CERS6: variants seen among roughly 807,000 people sequenced by gnomAD.
CERS6 encodes the protein ceramide synthase 6, also known as LAG1 homolog, ceramide synthase 6.
CERS6 carries 26 observed loss-of-function variants against 56.8 expected under a neutral mutation model. The ratio of observed to expected loss-of-function variants is 0.46; its 90% CI spans 0.34 to 0.63. The LOEUF (loss-of-function observed/expected upper bound fraction) is 0.63. Among genes scored for constraint, CERS6 ranks in the 30% least tolerant of loss-of-function variants. The probability of loss-of-function intolerance (pLI) is 0.01; values close to 1 mark genes in which losing one functional copy is unlikely to be tolerated. For missense variants in CERS6, 415 were observed against 467.5 expected (o/e 0.89, Z 1.04); for synonymous variants, 164 against 173.3 (o/e 0.95, Z 0.42).
At chr2:168,644,202 G>A in intron 4 of CERS6, 1 of 933,916 alleles carries the variant, frequency 1.1e-6, no homozygotes, top group Non-Finnish European at 1.3e-6. Flanking sequence ...TTACAGAAGG[G>A]GGAGGGAGGA....
chr2:168,538,276 A>G (rs1189029309), intron 1 of CERS6, among the ~76,000 whole-genome samples: 1 of 149,884 alleles, frequency 6.7e-6, no homozygotes, highest in African/African-American at 2.5e-5. Flanking sequence ...AAAATGGCCT[A>G]GAAGGCACTG....
chr2:168,725,966 C>G (rs559977966), intron 8 of CERS6, among the ~76,000 whole-genome samples: 2 of 152,350 alleles, frequency 1.3e-5, no homozygotes, highest in African/African-American at 2.4e-5. Flanking sequence ...CTGCATCTCT[C>G]TCTCTTATAG....
chr2:168,737,624 C>G lies in CERS6; in HGVS notation c.845+19646C>G, dbSNP rs956995879. On this transcript the variant is annotated intron_variant, in intron 8 of 9. Transcript: ENST00000305747. ...AAGAGTGTCTGTTGAGCTTGAAATG[C>G]GAGTGTGGATGCCAAGGATTTTGCT... is the stretch of plus-strand genomic sequence containing the variant. Among the ~76,000 whole-genome samples the G allele has an allele frequency of 2.0e-5, 3 of 152,128 alleles. No homozygotes were observed. In the East Asian group the frequency reaches 5.8e-4, roughly 29 times the overall value.
intron 1 of CERS6, among the ~76,000 whole-genome samples, chr2:168,510,553 TA>T (rs779690349): frequency 6.6e-6 from 1 of 152,220 alleles, no homozygotes; most frequent in Non-Finnish European, 1.5e-5. Context: ...GTTTGCACGA[TA>T]AAATTGCCTG....
chr2:168,497,124 G>A (rs1694486646), intron 1 of CERS6, among the ~76,000 whole-genome samples: 1 of 152,152 alleles, frequency 6.6e-6, no homozygotes, highest in South Asian at 2.1e-4. Flanking sequence ...GCCTGGAAAG[G>A]ATCACTCTGA....
intron 6 of CERS6, among the ~76,000 whole-genome samples, chr2:168,700,185 G>C (rs1202205076): frequency 6.6e-6 from 1 of 152,226 alleles, no homozygotes; most frequent in Admixed American, 6.5e-5. Flanking sequence ...TGATGAGCTT[G>C]TGTTAGCTCT....
chr2:168,486,518 G>GTTTTTTTTTTTTTTTTT lies in CERS6; in HGVS notation c.170+29900_170+29901insTTTTTTTTTTTTTTTTT. On this transcript the variant is annotated intron_variant, in intron 1 of 9. Coordinates refer to ENST00000305747, the MANE Select transcript of CERS6 (RefSeq NM_203463.3). ...ATTTTTGTTAAAGGTGTCTAGATTT[G>GTTTTTTTTTTTTTTTTT]GTTTTGTTTTTTTTTTTTTTGCCTA... Among the ~76,000 whole-genome samples, 86 of 136,278 alleles carry GTTTTTTTTTTTTTTTTT rather than the reference G, an allele frequency of 6.3e-4. 4 individuals carry two copies. The highest frequency in any genetic ancestry group is 3.6e-3 in the Middle Eastern group (1 of 278). 89.4% of individuals were successfully genotyped at this position (136,278 alleles called of 152,430 possible). A position where few individuals can be genotyped will look rare whatever the true frequency, so the allele number is the denominator to read the frequency against.
chr2:168,672,370 C>T (rs895795186), intron 4 of CERS6, among the ~76,000 whole-genome samples: 6 of 152,038 alleles, frequency 3.9e-5, no homozygotes, highest in African/African-American at 1.4e-4. Flanking sequence ...AGTGAAACCC[C>T]ATGAGAATAT....
chr2:168,668,553 T>C (rs1685825661), intron 4 of CERS6, among the ~76,000 whole-genome samples: 2 of 151,806 alleles, frequency 1.3e-5, no homozygotes, highest in Non-Finnish European at 2.9e-5. Context: ...ATCAAGCAAT[T>C]CTCCTGCCTC....
chr2:168,504,707 C>T (rs1050993296), intron 1 of CERS6, among the ~76,000 whole-genome samples: 1 of 152,110 alleles, frequency 6.6e-6, no homozygotes, highest in Non-Finnish European at 1.5e-5. Flanking sequence ...CTTGAGACCT[C>T]CATCCCTTTC....
At chr2:168,656,530 C>T (rs1685473959) in intron 4 of CERS6, among the ~76,000 whole-genome samples, 2 of 151,716 alleles carry the variant, frequency 1.3e-5, no homozygotes, top group Non-Finnish European at 2.9e-5. Context: ...TGCAGACCTT[C>T]GCGGTGAGTG....
At chr2:168,720,384 A>G (rs1687331572) in intron 8 of CERS6, among the ~76,000 whole-genome samples, 1 of 152,250 alleles carries the variant, frequency 6.6e-6, no homozygotes, top group South Asian at 2.1e-4. Flanking sequence ...CTCAGTAGCC[A>G]CACGTGCCTA....
At chr2:168,761,157 A>C (rs561045390) in intron 8 of CERS6, among the ~76,000 whole-genome samples, 18 of 152,270 alleles carry the variant, frequency 1.2e-4, no homozygotes, top group African/African-American at 4.1e-4. Context: ...TCACTGAGAG[A>C]TATATCCGTT....
At chr2:168,717,845 A>C (rs753878003) in intron 7 of CERS6, 27 bp from the exon 8 acceptor site, 4 of 1,534,876 alleles carry the variant, frequency 2.6e-6, no homozygotes. Context: ...TAACTACATT[A>C]ATATATCACA....
intron 3 of CERS6, among the ~76,000 whole-genome samples, chr2:168,624,687 A>G (rs1684549976): frequency 6.6e-6 from 1 of 152,196 alleles, no homozygotes; most frequent in South Asian, 2.1e-4. Flanking sequence ...TGAATCCACA[A>G]TTACTTCATG....
chr2:168,514,641 C>T (rs74618542), intron 1 of CERS6, among the ~76,000 whole-genome samples: 1,813 of 152,210 alleles, frequency 0.012, 38 homozygotes, highest in African/African-American at 0.041. Flanking sequence ...ATGTTATAGA[C>T]GAGAGAGAAG....
chr2:168,610,283 T>A (rs1388005908), intron 3 of CERS6, among the ~76,000 whole-genome samples: 1 of 151,942 alleles, frequency 6.6e-6, no homozygotes, highest in Non-Finnish European at 1.5e-5. Flanking sequence ...GGCCGACTGA[T>A]TTTTTTTAGA....
At chr2:168,693,936 A>G (rs1026911358) in intron 5 of CERS6, among the ~76,000 whole-genome samples, 1 of 152,124 alleles carries the variant, frequency 6.6e-6, no homozygotes, top group African/African-American at 2.4e-5. Flanking sequence ...CAACTTTTCC[A>G]TGATTCCCAT....
At chr2:168,759,729 G>A (rs1684514195) in intron 8 of CERS6, among the ~76,000 whole-genome samples, 1 of 152,092 alleles carries the variant, frequency 6.6e-6, no homozygotes, top group African/African-American at 2.4e-5. Context: ...TATTATGTGT[G>A]TGGGGGATAA....
Sources: gnomAD v4.1 joint callset for allele counts (sites outside exome capture counted in the v4.1 genomes callset) on GRCh38, gnomAD v4.1.1 for gene constraint, MANE v1.5 for transcripts, NCBI Gene and HGNC (gene_info 2026-07-23, HGNC 2026-07-21) for gene names.